EXOC4: variants seen among roughly 807,000 people sequenced by gnomAD.
EXOC4 encodes exocyst complex component 4.
A neutral mutation model predicts 107.2 loss-of-function variants in EXOC4; 71 were observed. The ratio of observed to expected loss-of-function variants is 0.66; its 90% CI spans 0.55 to 0.81. EXOC4 has a LOEUF of 0.81. Ranked by LOEUF, EXOC4 falls within the 30% of genes least tolerant of loss-of-function variation. The pLI is 0.00. For synonymous variants in EXOC4, 456 were observed against 441.2 expected (o/e 1.03, Z -0.42); for missense variants, 1,108 against 1,189.6 (o/e 0.93, Z 1.01).
chr7:133,788,398 T>C (rs1363621554), intron 10 of EXOC4, among the ~76,000 whole-genome samples: 3 of 152,168 alleles, frequency 2.0e-5, no homozygotes, highest in East Asian at 1.9e-4. Context: ...ATTTTTTTTT[T>C]CCCAAAACTA....
At chr7:133,435,351 TG>T (rs918108967) in intron 7 of EXOC4, among the ~76,000 whole-genome samples, 4 of 152,154 alleles carry the variant, frequency 2.6e-5, no homozygotes, top group Non-Finnish European at 5.9e-5. Flanking sequence ...CCTTGCTTTT[TG>T]GGGGTAGGTT....
intron 11 of EXOC4, among the ~76,000 whole-genome samples, chr7:133,856,646 A>T (rs1318499952): frequency 2.6e-5 from 4 of 152,164 alleles, no homozygotes; most frequent in African/African-American, 4.8e-5. Context: ...TTACATTTAT[A>T]ATAATAACTA....
intron 8 of EXOC4, 37 bp from the exon 9 acceptor site, chr7:133,480,013 A>C (rs1799115605): frequency 1.3e-6 from 2 of 1,557,938 alleles, no homozygotes; most frequent in Non-Finnish European, 1.8e-6. Context: ...TAATTGGTTT[A>C]CACCTGCTTG....
chr7:133,307,394 A>G (rs566842908), intron 4 of EXOC4, among the ~76,000 whole-genome samples: 1 of 152,310 alleles, frequency 6.6e-6, no homozygotes, highest in South Asian at 2.1e-4. Context: ...TCTTTCGACA[A>G]TGCCTGCTGA....
intron 10 of EXOC4, among the ~76,000 whole-genome samples, chr7:133,658,702 G>A (rs1803360766): frequency 6.6e-6 from 1 of 152,174 alleles, no homozygotes; most frequent in African/African-American, 2.4e-5. Flanking sequence ...TGGGGTGGAT[G>A]TGTGATCAAC....
intron 11 of EXOC4, among the ~76,000 whole-genome samples, chr7:133,830,692 C>T (rs1043011517): frequency 7.9e-5 from 12 of 152,172 alleles, no homozygotes; most frequent in Non-Finnish European, 1.8e-4. Flanking sequence ...CATATACCCC[C>T]ACTTTCCCTA....
chr7:133,288,862 T>C, intron 2 of EXOC4, 60 bp from the exon 3 acceptor site: 12 of 1,428,652 alleles, frequency 8.4e-6, no homozygotes, highest in East Asian at 2.3e-5. Flanking sequence ...ACTAACCAGA[T>C]TATAGGTTTA....
intron 13 of EXOC4, among the ~76,000 whole-genome samples, chr7:133,931,761 C>T (rs1800181481): frequency 6.6e-6 from 1 of 152,150 alleles, no homozygotes; most frequent in South Asian, 2.1e-4. Context: ...CTGTTCGAAT[C>T]CTGGTGTTCT....
At chr7:133,412,290 T>TG (rs1481050144) in intron 7 of EXOC4, among the ~76,000 whole-genome samples, 7 of 147,044 alleles carry the variant, frequency 4.8e-5, no homozygotes, top group Non-Finnish European at 1.0e-4. Flanking sequence ...TTTTTTTTTT[T>TG]TTTTTTTTTT....
chr7:134,071,263 C>A (rs1262858563), downstream of EXOC4, among the ~76,000 whole-genome samples: 1 of 152,216 alleles, frequency 6.6e-6, no homozygotes, highest in Admixed American at 6.5e-5. Context: ...CTGCCCAACA[C>A]CAGAGTTCAT....
At chr7:133,255,186 C>G (rs1038819610) in intron 1 of EXOC4, among the ~76,000 whole-genome samples, 1 of 149,886 alleles carries the variant, frequency 6.7e-6, no homozygotes, top group Non-Finnish European at 1.5e-5. Context: ...CTTTTCTTTT[C>G]TTTTTTTTTG....
chr7:134,021,269 G>C (rs910455203), intron 17 of EXOC4, among the ~76,000 whole-genome samples: 2 of 152,340 alleles, frequency 1.3e-5, no homozygotes, highest in East Asian at 1.9e-4. Context: ...ATGCCTGTGT[G>C]TATGGATGAA....
chr7:133,367,704 A>G (rs1462730729), intron 6 of EXOC4, among the ~76,000 whole-genome samples: 2 of 152,194 alleles, frequency 1.3e-5, no homozygotes. Context: ...TTTGAACTTC[A>G]GTTTCCTTGT....
chr7:133,566,721 A>G (rs1800913163), intron 9 of EXOC4, among the ~76,000 whole-genome samples: 1 of 152,226 alleles, frequency 6.6e-6, no homozygotes, highest in Admixed American at 6.5e-5. Flanking sequence ...CTTAATGTCT[A>G]AAACAGTACC....
intron 12 of EXOC4, among the ~76,000 whole-genome samples, chr7:133,902,938 G>A (rs1043963833): frequency 5.9e-5 from 9 of 152,190 alleles, no homozygotes; most frequent in Non-Finnish European, 1.2e-4. Context: ...GATAGACTCA[G>A]GAGTGTGAGA....
intron 9 of EXOC4, among the ~76,000 whole-genome samples, chr7:133,605,272 A>T (rs1302610704): frequency 6.6e-6 from 1 of 152,148 alleles, no homozygotes. Context: ...CAATCTTTTA[A>T]TTTTTTTGAA....
At chr7:133,715,655 TGTCTGCTGAATTCAAA>T (rs1317664676) in intron 10 of EXOC4, among the ~76,000 whole-genome samples, 1 of 152,160 alleles carries the variant, frequency 6.6e-6, no homozygotes, top group Non-Finnish European at 1.5e-5. Context: ...TCTCTGCTCT[TGTCTGCTGAATTCAAA>T]GCTGACCACT....
At chr7:133,607,899 A>C (rs541528548) in intron 9 of EXOC4, among the ~76,000 whole-genome samples, 8 of 152,340 alleles carry the variant, frequency 5.3e-5, no homozygotes, top group Non-Finnish European at 1.5e-5. Flanking sequence ...TGAAATTTGA[A>C]TTTCATCTTC....
chr7:133,558,751 AG>A (rs1166593214), intron 9 of EXOC4, among the ~76,000 whole-genome samples: 2 of 152,142 alleles, frequency 1.3e-5, no homozygotes, highest in Non-Finnish European at 2.9e-5. Context: ...GATCATCTTA[AG>A]ATATCAGAGT....
Sources: allele counts gnomAD v4.1 joint callset (sites outside exome capture counted in the v4.1 genomes callset), GRCh38; gene constraint gnomAD v4.1.1; transcripts MANE v1.5; gene names NCBI Gene and HGNC (gene_info 2026-07-23, HGNC 2026-07-21).